SYNPR: variants seen among roughly 807,000 people sequenced by gnomAD.
SYNPR encodes the protein synaptoporin.
A neutral mutation model predicts 32.9 loss-of-function variants in SYNPR; 23 were observed. The observed-to-expected ratio is 0.70, with a 90% CI of 0.50 to 0.99. SYNPR has a LOEUF of 0.99. Ranked by LOEUF, SYNPR falls within the 50% of genes least tolerant of loss-of-function variation. The probability of loss-of-function intolerance (pLI) is 0.00; values close to 1 mark genes in which losing one functional copy is unlikely to be tolerated. For missense variants in SYNPR, 318 were observed against 349.3 expected, an observed-to-expected ratio of 0.91 and a Z score of 0.71; for synonymous variants, 146 against 135.9, an observed-to-expected ratio of 1.07 and a Z score of -0.52.
intron 3 of SYNPR, among the ~76,000 whole-genome samples, chr3:63,491,189 A>T (rs1417900210): frequency 2.0e-5 from 3 of 152,204 alleles, no homozygotes; most frequent in Admixed American, 2.0e-4. Flanking sequence ...TAAGAAATTT[A>T]TGAAGTAGAT....
At chr3:63,208,551 A>G in the SYNPR span, among the ~76,000 whole-genome samples, 1 of 152,184 alleles carries the variant, frequency 6.6e-6, no homozygotes, top group African/African-American at 2.4e-5. Context: ...GTACTTTCCC[A>G]CAGAACTCAA....
chr3:63,479,446 G>GCACA (rs1553640031), intron 2 of SYNPR, among the ~76,000 whole-genome samples: 1 of 135,742 alleles, frequency 7.4e-6, no homozygotes, highest in Non-Finnish European at 1.6e-5. Flanking sequence ...CCACACACAT[G>GCACA]CACACACACA....
chr3:63,240,011 T>C (rs947757263), intron 1 of SYNPR, among the ~76,000 whole-genome samples: 6 of 152,194 alleles, frequency 3.9e-5, no homozygotes, highest in Non-Finnish European at 7.4e-5. Flanking sequence ...TCTATAAGGC[T>C]AAGTAATTCA....
chr3:63,262,184 T>C (rs974520853), intron 2 of SYNPR, among the ~76,000 whole-genome samples: 3 of 152,024 alleles, frequency 2.0e-5, no homozygotes, highest in Non-Finnish European at 4.4e-5. Context: ...AAAATTTACA[T>C]GCCACCGCTG....
intron 2 of SYNPR, among the ~76,000 whole-genome samples, chr3:63,338,366 A>T (rs916362507): frequency 1.3e-5 from 2 of 152,208 alleles, no homozygotes; most frequent in African/African-American, 4.8e-5. Context: ...TCCTTAAAAT[A>T]GCAATGGAAG....
chr3:63,556,598 C>A lies in SYNPR; in HGVS notation c.265C>A (p.Leu89Met), dbSNP rs1016498013. The A allele has an allele frequency of 1.2e-6, 2 of 1,613,684 alleles. No individual in the cohort carries two copies. The highest frequency in any genetic ancestry group is 2.7e-5 in the African/African-American group (2 of 74,928). The change falls in exon 4 of 6, where the codon CTG becomes ATG. Residue 89 changes from leucine to methionine, a missense_variant. Coordinates refer to ENST00000478300, the MANE Select transcript of SYNPR (RefSeq NM_001130003.2). ...PTCEGKERQK[L>M]ALIGDSSSSA... Reference sequence around the variant, plus strand: ...CTGCGAGGGAAAGGAACGGCAGAAGCTGGCATTGATTGGTGACTCCTCGTC... The same window carrying A: ...CTGCGAGGGAAAGGAACGGCAGAAGATGGCATTGATTGGTGACTCCTCGTC...
chr3:63,533,544 G>A (rs11130940), intron 3 of SYNPR, among the ~76,000 whole-genome samples: 2 of 151,848 alleles, frequency 1.3e-5, no homozygotes, highest in Non-Finnish European at 2.9e-5. Flanking sequence ...TTACCTTGGG[G>A]TAATAAAAGC....
At chr3:63,265,311 G>A (rs1489926496) in intron 2 of SYNPR, among the ~76,000 whole-genome samples, 3 of 145,234 alleles carry the variant, frequency 2.1e-5, no homozygotes, top group Admixed American at 7.0e-5. Flanking sequence ...GAGTGCAGTG[G>A]CACAATCTTG....
At chr3:63,464,153 G>A (rs141338380) in intron 2 of SYNPR, among the ~76,000 whole-genome samples, 2 of 152,128 alleles carry the variant, frequency 1.3e-5, no homozygotes, top group African/African-American at 4.8e-5. Flanking sequence ...TCTGATGCTA[G>A]TTCTGTCATG....
intron 2 of SYNPR, among the ~76,000 whole-genome samples, chr3:63,347,953 G>C (rs566710690): frequency 1.3e-5 from 2 of 151,444 alleles, no homozygotes; most frequent in East Asian, 3.9e-4. Context: ...CCAAGCATCT[G>C]TTGCTGGACA....
At chr3:63,248,894 G>T (rs374584765) in intron 1 of SYNPR, among the ~76,000 whole-genome samples, 2 of 152,080 alleles carry the variant, frequency 1.3e-5, no homozygotes, top group Non-Finnish European at 1.5e-5. Flanking sequence ...GTGAAGATAT[G>T]ATAACATTGT....
At chr3:63,350,466 G>A (rs1230133079) in intron 2 of SYNPR, among the ~76,000 whole-genome samples, 1 of 152,192 alleles carries the variant, frequency 6.6e-6, no homozygotes, top group Non-Finnish European at 1.5e-5. Flanking sequence ...CGTGATAGGA[G>A]GAGAAAGAAA....
chr3:63,501,494 CAAAAAA>C (rs377290258), intron 3 of SYNPR, among the ~76,000 whole-genome samples: 6 of 96,744 alleles, frequency 6.2e-5, no homozygotes, highest in African/African-American at 2.0e-4. Flanking sequence ...CTCCCCCAAC[CAAAAAA>C]AAAAAAAAAA....
intron 2 of SYNPR, among the ~76,000 whole-genome samples, chr3:63,391,132 G>C (rs982467691): frequency 6.6e-6 from 1 of 152,144 alleles, no homozygotes; most frequent in African/African-American, 2.4e-5. Flanking sequence ...AGCTCTTCCT[G>C]GAAATCTCTC....
rs189386414 is a variant in SYNPR, at chr3:63,585,228, G to C, written c.409-23897G>C. 6.9e-3 allele frequency among the ~76,000 whole-genome samples: 1,045 copies of C among 152,166 alleles called. 10 individuals carry two copies. Among genetic ancestry groups the C allele is most frequent in the Non-Finnish European group, 7.5e-3 (509 of 67,980 alleles). ...AAATAAGTCAAATCACCTAAATAAAGCATGCAACATAAGCTTTGATTCAAT... is the reference window on the plus strand; with the variant it reads ...AAATAAGTCAAATCACCTAAATAAACCATGCAACATAAGCTTTGATTCAAT... On this transcript the variant is annotated intron_variant, in intron 4 of 5. Transcript: ENST00000478300.
chr3:63,218,885 C>T, the SYNPR span, among the ~76,000 whole-genome samples: 1 of 152,166 alleles, frequency 6.6e-6, no homozygotes, highest in African/African-American at 2.4e-5. Context: ...CAACTCTAAC[C>T]TGACTCCTTG....
intron 2 of SYNPR, among the ~76,000 whole-genome samples, chr3:63,383,321 A>G (rs2087997009): frequency 6.6e-6 from 1 of 152,224 alleles, no homozygotes; most frequent in Admixed American, 6.5e-5. Flanking sequence ...ATACCTCCCA[A>G]GAGAAAAGAA....
At chr3:63,229,498 T>A (rs2086152165) in intron 1 of SYNPR, among the ~76,000 whole-genome samples, 1 of 152,180 alleles carries the variant, frequency 6.6e-6, no homozygotes, top group African/African-American at 2.4e-5. Context: ...CTTCTATTCA[T>A]GATCCTTTGG....
chr3:63,380,935 C>T lies in SYNPR; in HGVS notation c.85-99897C>T, dbSNP rs547650915. On this transcript the variant is annotated intron_variant, in intron 2 of 5. Coordinates refer to ENST00000478300, the MANE Select transcript of SYNPR (RefSeq NM_001130003.2). ...ATAAGAGCTATCTATGACAAACCCA[C>T]AGCCAATATCATACTGAATGGGCAA... Among the ~76,000 whole-genome samples, 145 of 152,266 alleles carry T rather than the reference C, an allele frequency of 9.5e-4. No individual in the cohort carries two copies. The East Asian group carries it at 0.026, about 28-fold the overall frequency.
Sources: gnomAD v4.1 joint callset for allele counts (sites outside exome capture counted in the v4.1 genomes callset) on GRCh38, gnomAD v4.1.1 for gene constraint, MANE v1.5 for transcripts, NCBI Gene and HGNC (gene_info 2026-07-23, HGNC 2026-07-21) for gene names.